EFNA5: variants seen among roughly 807,000 people sequenced by gnomAD.
EFNA5 encodes ephrin-A5.
In EFNA5, 5 loss-of-function variants were observed where a neutral mutation model predicts 22.9. That is an observed-to-expected ratio of 0.22 (90% CI 0.11 to 0.46). The LOEUF (loss-of-function observed/expected upper bound fraction) is 0.46, where lower values mean the gene tolerates loss of function less well. Ranked by LOEUF, EFNA5 falls within the 20% of genes least tolerant of loss-of-function variation. The pLI is 0.99. For missense variants in EFNA5, 237 were observed against 293.3 expected (o/e 0.81, Z 1.40); for synonymous variants, 113 against 112.2 (o/e 1.01, Z -0.04).
intron 1 of EFNA5, among the ~76,000 whole-genome samples, chr5:107,669,468 C>T (rs1400356024): frequency 6.6e-6 from 1 of 152,018 alleles, no homozygotes; most frequent in African/African-American, 2.4e-5. Context: ...GTGCACAGGC[C>T]GGGAAGCAAT....
In EFNA5 at chr5:107,406,657, T is replaced by G. The variant is rs191455420; in HGVS notation, c.419-18886A>C. On this transcript the variant is annotated intron_variant, in intron 2 of 4. Coordinates refer to ENST00000333274, the MANE Select transcript of EFNA5 (RefSeq NM_001962.3). ...TTCTTACTTTACTTTTCCATCATAG[T>G]ACTTACCACCTACTTGACATATTTT... 2.5e-3 allele frequency among the ~76,000 whole-genome samples: 386 copies of G among 152,338 alleles called. 2 individuals carry two copies. Among genetic ancestry groups the G allele is most frequent in the South Asian group, 4.8e-3 (23 of 4,834 alleles).
At chr5:107,513,139 T>C (rs1747407352) in intron 1 of EFNA5, among the ~76,000 whole-genome samples, 2 of 152,158 alleles carry the variant, frequency 1.3e-5, no homozygotes, top group Admixed American at 1.3e-4. Flanking sequence ...TCTGTAGCTT[T>C]GTTTCAGGGA....
At chr5:107,426,121 C>T (rs777042475) in intron 2 of EFNA5, among the ~76,000 whole-genome samples, 6 of 152,216 alleles carry the variant, frequency 3.9e-5, no homozygotes, top group Non-Finnish European at 5.9e-5. Flanking sequence ...AGTGAAAGGT[C>T]ACTCCCTAAG....
rs184647654 is a variant in EFNA5, at chr5:107,546,374, T to C, written c.126-118865A>G. On this transcript the variant is annotated intron_variant, in intron 1 of 4. Coordinates refer to ENST00000333274, the MANE Select transcript of EFNA5 (RefSeq NM_001962.3). ...AAAGAGGCTGGCTGATAAACAGCTA[T>C]GAGCGGAAATGTATGCACCTTTCAT... Among the ~76,000 whole-genome samples, 216 of 152,294 alleles carry C rather than the reference T, an allele frequency of 1.4e-3. 1 individual carries two copies. The highest frequency in any genetic ancestry group is 5.1e-3 in the African/African-American group (213 of 41,568).
Position 107,546,682 on chromosome 5 carries a change from ACACACT to A in EFNA5, c.126-119179_126-119174del, listed in dbSNP as rs757190310. ...CACACACACACACACACACACACACACACACTCTCACCCCTGGTGTAGGAAAGAATT... is the reference window on the plus strand; with the variant it reads ...CACACACACACACACACACACACACACTCACCCCTGGTGTAGGAAAGAATT... On this transcript the variant is annotated intron_variant, in intron 1 of 4. Transcript: ENST00000333274. Among the ~76,000 whole-genome samples, 954 of 124,180 alleles carry A rather than the reference ACACACT, an allele frequency of 7.7e-3. 6 individuals carry two copies. Among genetic ancestry groups the A allele is most frequent in the Admixed American group, 0.014 (170 of 11,918 alleles). The allele number at this position is 124,180 out of a possible 152,430, so 81.5% of individuals were successfully genotyped here.
At chr5:107,666,920 G>A (rs1328474234) in intron 1 of EFNA5, among the ~76,000 whole-genome samples, 1 of 152,046 alleles carries the variant, frequency 6.6e-6, no homozygotes, top group African/African-American at 2.4e-5. Flanking sequence ...GCTACTAAAG[G>A]AGAATGTAAA....
chr5:107,462,335 T>C (rs183157266), intron 1 of EFNA5, among the ~76,000 whole-genome samples: 168 of 152,260 alleles, frequency 1.1e-3, no homozygotes, highest in Non-Finnish European at 1.4e-3. Flanking sequence ...ATCTTTTGTT[T>C]ATATAAATAG....
At chr5:107,489,264 T>C (rs920602649) in intron 1 of EFNA5, among the ~76,000 whole-genome samples, 5 of 151,914 alleles carry the variant, frequency 3.3e-5, no homozygotes, top group Non-Finnish European at 5.9e-5. Context: ...ACCGCCGCCT[T>C]CCAGGTTCAA....
intron 1 of EFNA5, among the ~76,000 whole-genome samples, chr5:107,649,315 C>T (rs1290446594): frequency 6.6e-6 from 1 of 151,802 alleles, no homozygotes; most frequent in African/African-American, 2.4e-5. Flanking sequence ...CTGATAAAAT[C>T]AAAAAGAATA....
rs550340874 is a variant in EFNA5 at position 107,659,496 on chromosome 5, C to CTT, written c.125+10991_125+10992dup. Reference sequence around the variant, plus strand: ...AAAAGTTTGAGTTTTTTGGGTTTTCCTTTTTTTTTTTTTTTTTTTAGTTTC... The same window carrying CTT: ...AAAAGTTTGAGTTTTTTGGGTTTTCCTTTTTTTTTTTTTTTTTTTTTAGTTTC... On this transcript the variant is annotated intron_variant, in intron 1 of 4. Coordinates refer to ENST00000333274, the MANE Select transcript of EFNA5 (RefSeq NM_001962.3). Among the ~76,000 whole-genome samples the CTT allele has an allele frequency of 1.2e-4, 15 of 129,256 alleles. 1 individual carries two copies. Among genetic ancestry groups the CTT allele is most frequent in the Admixed American group, 3.1e-4 (4 of 12,706 alleles). 84.8% of individuals were successfully genotyped at this position (129,256 alleles called of 152,430 possible). A position where few individuals can be genotyped will look rare whatever the true frequency, so the allele number is the denominator to read the frequency against.
chr5:107,601,816 T>C (rs1749601990), intron 1 of EFNA5, among the ~76,000 whole-genome samples: 1 of 152,144 alleles, frequency 6.6e-6, no homozygotes, highest in African/African-American at 2.4e-5. Flanking sequence ...TTTGTGGAGG[T>C]AAGCTGGAGT....
chr5:107,483,264 G>A (rs79147374), intron 1 of EFNA5, among the ~76,000 whole-genome samples: 1 of 152,096 alleles, frequency 6.6e-6, no homozygotes, highest in Non-Finnish European at 1.5e-5. Flanking sequence ...TATTCACATA[G>A]GTCTCAATGG....
chr5:107,505,801 C>T lies in EFNA5; in HGVS notation c.126-78292G>A, dbSNP rs142881928. ...ACATTCTTTACCTAACTCATTTAAT[C>T]CCCCTTTCCCATCTCTCTCTCTTTT... On this transcript the variant is annotated intron_variant, in intron 1 of 4. Transcript: ENST00000333274. 5.3e-3 allele frequency among the ~76,000 whole-genome samples: 807 copies of T among 151,638 alleles called. 8 individuals are homozygous for T. Among genetic ancestry groups the T allele is most frequent in the Middle Eastern group, 0.024 (7 of 294 alleles).
At chr5:107,541,714 T>C (rs536655227) in intron 1 of EFNA5, among the ~76,000 whole-genome samples, 29 of 152,206 alleles carry the variant, frequency 1.9e-4, no homozygotes, top group Non-Finnish European at 3.8e-4. Flanking sequence ...TCTTTTGAAG[T>C]AGCCCAAAGC....
intron 2 of EFNA5, among the ~76,000 whole-genome samples, chr5:107,407,216 T>G (rs1748248307): frequency 6.6e-6 from 1 of 152,168 alleles, no homozygotes; most frequent in South Asian, 2.1e-4. Context: ...TAGGTTATTC[T>G]TGGTGACCTT....
At chr5:107,422,199 C>T (rs1218708370) in intron 2 of EFNA5, among the ~76,000 whole-genome samples, 2 of 152,276 alleles carry the variant, frequency 1.3e-5, no homozygotes, top group East Asian at 3.9e-4. Flanking sequence ...GTTTCTTCAC[C>T]TGTAAATAGG....
At position 107,380,193 on chromosome 5, in the gene EFNA5, A is replaced by C. The variant is rs1284525604; in HGVS notation, c.*1062T>G. On this transcript the variant is annotated 3_prime_UTR_variant, in exon 5 of 5. Coordinates refer to ENST00000333274, the MANE Select transcript of EFNA5 (RefSeq NM_001962.3). Reference sequence around the variant, plus strand: ...CTAGGGTGGGAGGCGGGGAAAGGCCACAGCACACTGGCGCTCCAGCAAAGC... The same window carrying C: ...CTAGGGTGGGAGGCGGGGAAAGGCCCCAGCACACTGGCGCTCCAGCAAAGC... The C allele has an allele frequency of 6.6e-6, 1 of 151,880 alleles. No individual in the cohort carries two copies. Among genetic ancestry groups the C allele is most frequent in the Non-Finnish European group, 1.5e-5 (1 of 68,082 alleles). 9.4% of individuals were successfully genotyped at this position (151,880 alleles called of 1,614,324 possible). A position where few individuals can be genotyped will look rare whatever the true frequency, so the allele number is the denominator to read the frequency against.
chr5:107,477,089 AG>A (rs1750333557), intron 1 of EFNA5, among the ~76,000 whole-genome samples: 1 of 152,144 alleles, frequency 6.6e-6, no homozygotes, highest in African/African-American at 2.4e-5. Context: ...TCAACACGAA[AG>A]CCAGCTGAGC....
intron 2 of EFNA5, among the ~76,000 whole-genome samples, chr5:107,409,928 T>C (rs1748316126): frequency 6.6e-6 from 1 of 152,114 alleles, no homozygotes. Context: ...TGGATCTGCA[T>C]TCAAAATGGG....
Sources: allele counts gnomAD v4.1 joint callset (sites outside exome capture counted in the v4.1 genomes callset), GRCh38; gene constraint gnomAD v4.1.1; transcripts MANE v1.5; gene names NCBI Gene and HGNC (gene_info 2026-07-23, HGNC 2026-07-21).